The following MMP26 variants were observed in gnomAD, a reference collection of about 807,000 sequenced individuals.
MMP26 encodes matrix metallopeptidase 26.
MMP26 carries 33 observed loss-of-function variants against 31.0 expected under a neutral mutation model. That is an observed-to-expected ratio of 1.06 (90% CI 0.81 to 1.42). MMP26 has a LOEUF of 1.42. MMP26 is among the 40% of genes most tolerant of loss of function. The pLI, the probability that MMP26 is intolerant of heterozygous loss-of-function variation, is 0.00. For missense variants in MMP26, 347 were observed against 316.1 expected, an observed-to-expected ratio of 1.10 and a Z score of -0.74; for synonymous variants, 122 against 114.9, an observed-to-expected ratio of 1.06 and a Z score of -0.40.
rs7947453 is a variant in MMP26, at chr11:4,945,977, A to G, written c.-144-42091A>G. On this transcript the variant is annotated intron_variant, in intron 2 of 7. Coordinates refer to ENST00000380390, the MANE Select transcript of MMP26 (RefSeq NM_021801.5). ...TATTCTGCTTAACTGAAATGGGGAC[A>G]TAAGGCAACGTACTTCCTGTTTATA... The G allele has an allele frequency of 1.6e-3, 1,027 of 628,532 alleles. 11 individuals are homozygous for G. The African/African-American group carries it at 0.018, about 11-fold the overall frequency. 38.9% of individuals were successfully genotyped at this position (628,532 alleles called of 1,614,324 possible). A position where few individuals can be genotyped will look rare whatever the true frequency, so the allele number is the denominator to read the frequency against.
intron 2 of MMP26, chr11:4,955,746 C>G: frequency 1.9e-6 from 3 of 1,572,602 alleles, no homozygotes; most frequent in Middle Eastern, 1.7e-4. Context: ...ATGAAAAATA[C>G]AGATACACCT....
Position 4,765,478 on chromosome 11 carries a change from G to A in MMP26, c.-216-1792G>A, listed in dbSNP as rs1297532338. On this transcript the variant is annotated intron_variant, in intron 1 of 7. Transcript: ENST00000380390. ...AATGTTACCTAGCCCCTTGTTGGCT[G>A]CTTGTCTGTTTGGAAACAGGGAGTT... 1.3e-5 allele frequency among the ~76,000 whole-genome samples: 2 copies of A among 152,204 alleles called. 1 individual carries two copies. The highest frequency in any genetic ancestry group is 4.2e-4 in the South Asian group (2 of 4,814).
At chr11:4,954,918 C>G in intron 2 of MMP26, 1 of 1,165,214 alleles carries the variant, frequency 8.6e-7, no homozygotes, top group Non-Finnish European at 1.2e-6. Context: ...ACATGCCCGG[C>G]AAAGCGGTGG....
At chr11:4,853,717 A>G (rs1296602237) in intron 2 of MMP26, among the ~76,000 whole-genome samples, 3 of 152,204 alleles carry the variant, frequency 2.0e-5, no homozygotes, top group Non-Finnish European at 4.4e-5. Flanking sequence ...ACATATTAAA[A>G]GAAGAAATAA....
chr11:4,782,381 G>A (rs1848876682), intron 2 of MMP26, among the ~76,000 whole-genome samples: 1 of 152,222 alleles, frequency 6.6e-6, no homozygotes, highest in African/African-American at 2.4e-5. Context: ...CCACCCTAGA[G>A]ATTTGTGAAA....
chr11:4,889,807 A>G, intron 2 of MMP26: 1 of 175,726 alleles, frequency 5.7e-6, no homozygotes, highest in Non-Finnish European at 1.3e-5. Flanking sequence ...CAGCACAGAT[A>G]TGGGAGACAC....
intron 2 of MMP26, among the ~76,000 whole-genome samples, chr11:4,978,790 G>T (rs1846774062): frequency 6.6e-6 from 1 of 152,036 alleles, no homozygotes; most frequent in South Asian, 2.1e-4. Context: ...GGATTACGTT[G>T]TTAGGGTCCT....
chr11:4,722,190 T>C (rs1848021890), intron 1 of MMP26, among the ~76,000 whole-genome samples: 1 of 152,226 alleles, frequency 6.6e-6, no homozygotes, highest in Non-Finnish European at 1.5e-5. Context: ...TATTTATTTA[T>C]AGCAGTGTGA....
intron 2 of MMP26, among the ~76,000 whole-genome samples, chr11:4,911,372 C>A (rs1850989175): frequency 6.6e-6 from 1 of 152,144 alleles, no homozygotes; most frequent in Non-Finnish European, 1.5e-5. Flanking sequence ...TGCCAGACAT[C>A]CCCACTAGAC....
At chr11:4,942,089 C>CAAAAAAAAAAAAAAAACAAA (rs1846217011) in intron 2 of MMP26, among the ~76,000 whole-genome samples, 1 of 37,122 alleles carries the variant, frequency 2.7e-5, no homozygotes, top group Admixed American at 2.7e-4. Context: ...GAGTCCATCT[C>CAAAAAAAAAAAAAAAACAAA]AAAAAAAAAA....
At chr11:4,922,866 A>G (rs1564807719) in intron 2 of MMP26, among the ~76,000 whole-genome samples, 3 of 152,290 alleles carry the variant, frequency 2.0e-5, no homozygotes, top group African/African-American at 7.2e-5. Flanking sequence ...AGTAAAGACT[A>G]TCATGAAAAA....
chr11:4,710,849 A>G (rs780911759), intron 1 of MMP26: 65 of 167,644 alleles, frequency 3.9e-4, no homozygotes, highest in Non-Finnish European at 7.2e-4. Context: ...AGTAGATCTC[A>G]TGTAACGTAG....
intron 2 of MMP26, chr11:4,909,199 A>T (rs1488277664): frequency 1.3e-5 from 2 of 152,110 alleles, no homozygotes; most frequent in Non-Finnish European, 2.9e-5. Context: ...AGGACACGAC[A>T]TTTGGTACCA....
intron 1 of MMP26, among the ~76,000 whole-genome samples, chr11:4,748,605 C>A (rs76304755): frequency 0.085 from 12,510 of 147,870 alleles, 692 homozygotes; most frequent in Non-Finnish European, 0.12. Flanking sequence ...AACAATGAAG[C>A]GGGTTTTATT....
intron 2 of MMP26, among the ~76,000 whole-genome samples, chr11:4,775,198 A>T (rs1028415705): frequency 3.3e-5 from 5 of 152,192 alleles, no homozygotes; most frequent in African/African-American, 9.7e-5. Context: ...ATAGCATTGA[A>T]TCTATAAATT....
chr11:4,712,256 C>G (rs1847871690), intron 1 of MMP26: 1 of 152,170 alleles, frequency 6.6e-6, no homozygotes, highest in Admixed American at 6.5e-5. Flanking sequence ...AGCCTTCATT[C>G]TTAAGGTGTT....
chr11:4,888,245 C>A (rs1262120811), intron 2 of MMP26, among the ~76,000 whole-genome samples: 1 of 152,020 alleles, frequency 6.6e-6, no homozygotes, highest in Non-Finnish European at 1.5e-5. Context: ...CTACTAAGTA[C>A]TCACAAGTAA....
At chr11:4,784,641 T>C (rs1848910266) in intron 2 of MMP26, among the ~76,000 whole-genome samples, 1 of 152,188 alleles carries the variant, frequency 6.6e-6, no homozygotes, top group Non-Finnish European at 1.5e-5. Context: ...AAACATTCTC[T>C]GCTAGATTCT....
At chr11:4,822,373 C>A (rs925172909) in intron 2 of MMP26, 1 of 1,468,744 alleles carries the variant, frequency 6.8e-7, no homozygotes, top group African/African-American at 1.4e-5. Flanking sequence ...CAAATCTAAT[C>A]ATCAGCTATT....
Sources: gnomAD v4.1 joint callset for allele counts (sites outside exome capture counted in the v4.1 genomes callset) on GRCh38, gnomAD v4.1.1 for gene constraint, MANE v1.5 for transcripts, NCBI Gene and HGNC (gene_info 2026-07-23, HGNC 2026-07-21) for gene names.